STAU2: variants seen among roughly 807,000 people sequenced by gnomAD.
STAU2 encodes staufen double-stranded RNA binding protein 2.
A neutral mutation model predicts 65.9 loss-of-function variants in STAU2; 20 were observed. That is an observed-to-expected ratio of 0.30 (90% CI 0.21 to 0.44). STAU2 has a LOEUF of 0.44. STAU2 is among the 20% of genes least tolerant of loss of function. The pLI, the probability that STAU2 is intolerant of heterozygous loss-of-function variation, is 1.00. For synonymous variants in STAU2, 232 were observed against 233.9 expected (o/e 0.99, Z 0.07); for missense variants, 558 against 683.9 (o/e 0.82, Z 2.05).
At chr8:73,455,755 A>T (rs1477421632) in intron 13 of STAU2, among the ~76,000 whole-genome samples, 1 of 152,110 alleles carries the variant, frequency 6.6e-6, no homozygotes, top group African/African-American at 2.4e-5. Context: ...TATCTGTTAT[A>T]GTTTTTTTTA....
intron 6 of STAU2, chr8:73,652,721 T>G (rs1815998141): frequency 7.5e-6 from 1 of 133,892 alleles, no homozygotes; most frequent in African/African-American, 3.0e-5. Context: ...CAAGACTCTG[T>G]CCCAAAAAAA....
At chr8:73,501,991 G>A (rs1821784908) in intron 13 of STAU2, among the ~76,000 whole-genome samples, 1 of 151,902 alleles carries the variant, frequency 6.6e-6, no homozygotes, top group South Asian at 2.1e-4. Context: ...CTAGGACACA[G>A]GAGATACTTC....
At chr8:73,560,153 T>C (rs1439178509) in intron 12 of STAU2, among the ~76,000 whole-genome samples, 1 of 145,776 alleles carries the variant, frequency 6.9e-6, no homozygotes, top group African/African-American at 2.6e-5. Context: ...CCATCTCGGC[T>C]CACTGCAAGC....
In STAU2 at chr8:73,736,233, T is replaced by A. The variant is rs555705145; in HGVS notation, c.-18+2051A>T. Among the ~76,000 whole-genome samples, 42 of 152,224 alleles carry A rather than the reference T, an allele frequency of 2.8e-4. 2 individuals carry two copies. The highest frequency in any genetic ancestry group is 1.3e-4 in the Admixed American group (2 of 15,288). ...GCATATAACACCAAAACTGACAACATAATTACGTGGTTATTGTTGAAAAAT... is the reference window on the plus strand; with the variant it reads ...GCATATAACACCAAAACTGACAACAAAATTACGTGGTTATTGTTGAAAAAT... On this transcript the variant is annotated intron_variant, in intron 3 of 14. Transcript: ENST00000524300.
chr8:73,650,123 G>C (rs1271363662), intron 6 of STAU2, among the ~76,000 whole-genome samples: 1 of 151,748 alleles, frequency 6.6e-6, no homozygotes, highest in Non-Finnish European at 1.5e-5. Context: ...TGAATATCCA[G>C]ATGTCTTGGG....
At chr8:73,588,761 T>C (rs1001347943) in intron 11 of STAU2, among the ~76,000 whole-genome samples, 6 of 152,044 alleles carry the variant, frequency 3.9e-5, no homozygotes, top group African/African-American at 1.2e-4. Flanking sequence ...TACACCAGTA[T>C]AAAGCAGAGG....
intron 6 of STAU2, among the ~76,000 whole-genome samples, chr8:73,671,601 C>T (rs1272181404): frequency 1.3e-5 from 2 of 151,884 alleles, no homozygotes; most frequent in Admixed American, 1.3e-4. Flanking sequence ...GTGATGTGAA[C>T]AAAGATTTAC....
intron 13 of STAU2, among the ~76,000 whole-genome samples, chr8:73,490,591 C>T (rs992031528): frequency 2.0e-5 from 3 of 151,990 alleles, no homozygotes; most frequent in African/African-American, 4.8e-5. Flanking sequence ...ACGGCCTTTA[C>T]TTAAAAGGAA....
At chr8:73,618,211 A>G (rs954691280) in intron 6 of STAU2, among the ~76,000 whole-genome samples, 4 of 152,226 alleles carry the variant, frequency 2.6e-5, no homozygotes, top group Non-Finnish European at 4.4e-5. Context: ...AAGATAAACA[A>G]TAAGAAAAAT....
intron 13 of STAU2, among the ~76,000 whole-genome samples, chr8:73,451,838 G>A (rs889908748): frequency 6.6e-6 from 1 of 152,222 alleles, no homozygotes; most frequent in Non-Finnish European, 1.5e-5. Flanking sequence ...AGGAAGTGCA[G>A]GTTCAACCCA....
At chr8:73,472,480 G>A (rs1293445406) in intron 13 of STAU2, among the ~76,000 whole-genome samples, 1 of 152,148 alleles carries the variant, frequency 6.6e-6, no homozygotes, top group Non-Finnish European at 1.5e-5. Context: ...GTGTTCAACT[G>A]TAAGTGTGCA....
At chr8:73,685,169 T>C (rs1818705734) in intron 5 of STAU2, among the ~76,000 whole-genome samples, 2 of 152,238 alleles carry the variant, frequency 1.3e-5, no homozygotes, top group African/African-American at 4.8e-5. Context: ...ACCATGACTG[T>C]AAGTTTCCTG....
chr8:73,493,907 A>T (rs1389625721), intron 13 of STAU2, among the ~76,000 whole-genome samples: 1 of 151,850 alleles, frequency 6.6e-6, no homozygotes, highest in Non-Finnish European at 1.5e-5. Flanking sequence ...TAGCAAAGAA[A>T]GAAACAAATT....
At chr8:73,566,364 T>C (rs1447489020) in intron 12 of STAU2, among the ~76,000 whole-genome samples, 1 of 152,214 alleles carries the variant, frequency 6.6e-6, no homozygotes, top group African/African-American at 2.4e-5. Flanking sequence ...ACATTTCACA[T>C]AGTTTCTCAG....
At chr8:73,501,280 T>C (rs1821736026) in intron 13 of STAU2, among the ~76,000 whole-genome samples, 1 of 151,932 alleles carries the variant, frequency 6.6e-6, no homozygotes, top group South Asian at 2.1e-4. Context: ...AAGAGAACCA[T>C]GTACTTTAGG....
At chr8:73,660,223 A>G (rs935540160) in intron 6 of STAU2, among the ~76,000 whole-genome samples, 7 of 152,188 alleles carry the variant, frequency 4.6e-5, no homozygotes, top group Non-Finnish European at 1.0e-4. Flanking sequence ...CAAGGTCAGG[A>G]GTTCAAGACC....
chr8:73,546,953 T>C (rs1449700364), intron 13 of STAU2, among the ~76,000 whole-genome samples: 1 of 152,240 alleles, frequency 6.6e-6, no homozygotes, highest in Non-Finnish European at 1.5e-5. Context: ...AAATACTTGA[T>C]TTTTCAAATA....
At chr8:73,711,196 A>G (rs1820878531) in intron 3 of STAU2, among the ~76,000 whole-genome samples, 1 of 151,694 alleles carries the variant, frequency 6.6e-6, no homozygotes, top group Non-Finnish European at 1.5e-5. Context: ...CAAAAAAGAC[A>G]AAAGTCAAGA....
chr8:73,714,562 C>CA (rs1254291320), intron 3 of STAU2, among the ~76,000 whole-genome samples: 6 of 151,912 alleles, frequency 3.9e-5, no homozygotes, highest in African/African-American at 1.5e-4. Flanking sequence ...ATGCAAAATA[C>CA]AAAAATTTCA....
Sources: gnomAD v4.1 joint callset for allele counts (sites outside exome capture counted in the v4.1 genomes callset) on GRCh38, gnomAD v4.1.1 for gene constraint, MANE v1.5 for transcripts, NCBI Gene and HGNC (gene_info 2026-07-23, HGNC 2026-07-21) for gene names.